TMEM170B: variants seen among roughly 807,000 people sequenced by gnomAD.
TMEM170B encodes the protein transmembrane protein 170B.
A neutral mutation model predicts 13.0 loss-of-function variants in TMEM170B; 6 were observed. The ratio of observed to expected loss-of-function variants is 0.46; its 90% confidence interval spans 0.25 to 0.91. TMEM170B has a LOEUF of 0.91. Among genes scored for constraint, TMEM170B ranks in the 40% least tolerant of loss-of-function variants. The pLI, the probability that TMEM170B is intolerant of heterozygous loss-of-function variation, is 0.17. For synonymous variants in TMEM170B, 61 were observed against 64.9 expected (o/e 0.94, Z 0.29); for missense variants, 138 against 165.2 (o/e 0.84, Z 0.90).
chr6:11,558,595 A>G (rs1003458891), intron 1 of TMEM170B, among the ~76,000 whole-genome samples: 1 of 152,190 alleles, frequency 6.6e-6, no homozygotes, highest in Non-Finnish European at 1.5e-5. Context: ...TCCAGCATAC[A>G]GCCAAGTCCC....
intron 1 of TMEM170B, among the ~76,000 whole-genome samples, chr6:11,560,242 G>A (rs1193074226): frequency 3.3e-5 from 5 of 151,702 alleles, no homozygotes; most frequent in Admixed American, 1.3e-4. Context: ...TTTGCTCACT[G>A]CAAGCTCCAC....
At chr6:11,553,598 A>C (rs1349817345) in intron 1 of TMEM170B, among the ~76,000 whole-genome samples, 1 of 152,162 alleles carries the variant, frequency 6.6e-6, no homozygotes, top group Non-Finnish European at 1.5e-5. Flanking sequence ...CCTCACTTAT[A>C]ATACTATCTA....
chr6:11,572,658 A>G (rs1013584901), intron 2 of TMEM170B, among the ~76,000 whole-genome samples: 5 of 152,182 alleles, frequency 3.3e-5, no homozygotes, highest in South Asian at 4.1e-4. Context: ...TCAAAACATT[A>G]TAGATAGAGC....
intron 1 of TMEM170B, among the ~76,000 whole-genome samples, chr6:11,539,662 G>A (rs1373699207): frequency 6.6e-6 from 1 of 152,094 alleles, no homozygotes; most frequent in Non-Finnish European, 1.5e-5. Flanking sequence ...GATGATTGCC[G>A]GTAAGGAATA....
rs1385539457 is a variant in TMEM170B at position 11,578,457 on chromosome 6, CA to C, written c.*2897del. On this transcript the variant is annotated 3_prime_UTR_variant, in exon 3 of 3. Transcript: ENST00000379426. Reference sequence around the variant, plus strand: ...CATGCCCAAACTAATTACAGTTGAACATACTGATTAAAAATGCCATAGATCA... The same window carrying C: ...CATGCCCAAACTAATTACAGTTGAACTACTGATTAAAAATGCCATAGATCA... 3.3e-5 allele frequency: 5 copies of C among 152,106 alleles called. No homozygotes were observed. Among genetic ancestry groups the C allele is most frequent in the Admixed American group, 6.6e-5 (1 of 15,266 alleles). 9.4% of individuals were successfully genotyped at this position (152,106 alleles called of 1,614,324 possible).
intron 2 of TMEM170B, among the ~76,000 whole-genome samples, chr6:11,568,804 G>C (rs1759765263): frequency 6.6e-6 from 1 of 152,112 alleles, no homozygotes; most frequent in Admixed American, 6.5e-5. Context: ...CTTCAGTTCA[G>C]TTATTGATTG....
chr6:11,550,420 G>T (rs1486580282), intron 1 of TMEM170B, among the ~76,000 whole-genome samples: 1 of 151,594 alleles, frequency 6.6e-6, no homozygotes, highest in Non-Finnish European at 1.5e-5. Context: ...TGATCCACCC[G>T]CCTCAGCCTC....
At position 11,583,360 on chromosome 6, in the gene TMEM170B, T is replaced by G. The variant is rs1420291959; in HGVS notation, c.*7799T>G. ...TCTTTGTAATATACAGGGTGAACTC[T>G]TTACTGATACACACAAGACAACTGT... is the stretch of plus-strand genomic sequence containing the variant. On this transcript the variant is annotated 3_prime_UTR_variant, in exon 3 of 3. Transcript: ENST00000379426. The G allele has an allele frequency of 6.6e-6, 1 of 152,192 alleles. No homozygotes were observed. Among genetic ancestry groups the G allele is most frequent in the Non-Finnish European group, 1.5e-5 (1 of 68,030 alleles). 9.4% of individuals were successfully genotyped at this position (152,192 alleles called of 1,614,324 possible). A position where few individuals can be genotyped will look rare whatever the true frequency, so the allele number is the denominator to read the frequency against.
At chr6:11,551,487 A>G (rs533934790) in intron 1 of TMEM170B, among the ~76,000 whole-genome samples, 1 of 152,324 alleles carries the variant, frequency 6.6e-6, no homozygotes, top group Non-Finnish European at 1.5e-5. Context: ...ATAGCAGGTG[A>G]GGGAATGAAG....
intron 1 of TMEM170B, among the ~76,000 whole-genome samples, chr6:11,540,731 A>G (rs1398427492): frequency 1.3e-5 from 2 of 152,144 alleles, no homozygotes; most frequent in African/African-American, 2.4e-5. Context: ...AAGGTTTTCA[A>G]TTTCCTTTGC....
chr6:11,575,836 G>A lies in TMEM170B; in HGVS notation c.*275G>A. The A allele has an allele frequency of 3.9e-6, 1 of 257,244 alleles. No individual in the cohort carries two copies. Among genetic ancestry groups the A allele is most frequent in the East Asian group, 7.9e-5 (1 of 12,692 alleles). The allele number at this position is 257,244 out of a possible 1,614,324, so 15.9% of individuals were successfully genotyped here. On this transcript the variant is annotated 3_prime_UTR_variant, in exon 3 of 3. Coordinates refer to ENST00000379426, the MANE Select transcript of TMEM170B (RefSeq NM_001100829.3). This position sits in a 1 kb window ranked among gnomAD's most constrained non-coding sequence, Gnocchi z 4.1. Reference sequence around the variant, plus strand: ...AGCACCTTGTTTAGCTGCCTATCAGGTTAACATTGGTGTTGAAATCATCGT... The same window carrying A: ...AGCACCTTGTTTAGCTGCCTATCAGATTAACATTGGTGTTGAAATCATCGT...
At chr6:11,539,613 A>G (rs1759333096) in intron 1 of TMEM170B, among the ~76,000 whole-genome samples, 1 of 152,196 alleles carries the variant, frequency 6.6e-6, no homozygotes, top group South Asian at 2.1e-4. Context: ...CTCACTTTTA[A>G]GCTGTGGTTA....
intron 1 of TMEM170B, among the ~76,000 whole-genome samples, chr6:11,560,762 C>G (rs955878831): frequency 6.6e-6 from 1 of 151,904 alleles, no homozygotes; most frequent in Non-Finnish European, 1.5e-5. Context: ...TATATGTTTT[C>G]TATACAGATA....
At chr6:11,545,241 A>G (rs943431301) in intron 1 of TMEM170B, among the ~76,000 whole-genome samples, 3 of 149,946 alleles carry the variant, frequency 2.0e-5, no homozygotes, top group South Asian at 4.3e-4. Context: ...TGGGAATTCA[A>G]CCTGGAATGA....
intron 2 of TMEM170B, among the ~76,000 whole-genome samples, chr6:11,566,894 CA>C (rs766562188): frequency 3.9e-5 from 6 of 152,234 alleles, no homozygotes; most frequent in Non-Finnish European, 8.8e-5. Flanking sequence ...GGAATGCCCC[CA>C]AAGGTCATAC....
intron 1 of TMEM170B, among the ~76,000 whole-genome samples, chr6:11,562,250 G>A (rs556593240): frequency 2.6e-5 from 4 of 152,052 alleles, no homozygotes; most frequent in African/African-American, 9.7e-5. Flanking sequence ...AATATCTGCT[G>A]AGCAAGTTGG....
At chr6:11,552,639 G>T (rs1759539762) in intron 1 of TMEM170B, among the ~76,000 whole-genome samples, 1 of 152,180 alleles carries the variant, frequency 6.6e-6, no homozygotes, top group Non-Finnish European at 1.5e-5. Flanking sequence ...TATTCAGCAG[G>T]TTTGGGGGAA....
intron 1 of TMEM170B, among the ~76,000 whole-genome samples, chr6:11,561,297 A>G (rs1759662075): frequency 1.3e-5 from 2 of 152,166 alleles, no homozygotes; most frequent in African/African-American, 2.4e-5. Flanking sequence ...TTGTTACCCA[A>G]TTGCTAGAAG....
chr6:11,544,005 C>T (rs549486614), intron 1 of TMEM170B, among the ~76,000 whole-genome samples: 55 of 152,094 alleles, frequency 3.6e-4, no homozygotes, highest in African/African-American at 1.2e-3. Flanking sequence ...ACAGCCAGAA[C>T]GACTTAATTT....
Sources: allele counts gnomAD v4.1 joint callset (sites outside exome capture counted in the v4.1 genomes callset), GRCh38; gene constraint gnomAD v4.1.1; non-coding constraint Gnocchi (gnomAD v3.1); transcripts MANE v1.5; gene names NCBI Gene and HGNC (gene_info 2026-07-23, HGNC 2026-07-21).